The following SLC24A2 variants were observed in gnomAD, a reference collection of about 807,000 sequenced individuals.
SLC24A2 encodes sodium/potassium/calcium exchanger 2.
Under a neutral mutation model 62.0 loss-of-function variants are expected in SLC24A2, and 36 were observed. The observed-to-expected ratio is 0.58, with a 90% confidence interval of 0.44 to 0.77. The LOEUF is 0.77. Ranked by LOEUF, SLC24A2 falls within the 30% of genes least tolerant of loss-of-function variation. The pLI, the probability that SLC24A2 is intolerant of heterozygous loss-of-function variation, is 0.00. For missense variants in SLC24A2, 846 were observed against 817.9 expected (o/e 1.03, Z -0.42); for synonymous variants, 358 against 294.0 (o/e 1.22, Z -2.23).
At chr9:20,006,326 G>C in the SLC24A2 span, among the ~76,000 whole-genome samples, 2 of 151,668 alleles carry the variant, frequency 1.3e-5, no homozygotes, top group African/African-American at 2.4e-5. Flanking sequence ...GAAACATGAA[G>C]GGTAGTGGGT....
At chr9:19,669,091 T>C (rs918338001) in intron 2 of SLC24A2, among the ~76,000 whole-genome samples, 3 of 152,216 alleles carry the variant, frequency 2.0e-5, no homozygotes, top group South Asian at 2.1e-4. Context: ...TTATACGGTA[T>C]AGTTATTCTT....
chr9:20,039,864 C>T, the SLC24A2 span, among the ~76,000 whole-genome samples: 2 of 152,186 alleles, frequency 1.3e-5, no homozygotes, highest in African/African-American at 4.8e-5. Context: ...TGAGAAAGTT[C>T]TCTGTAGCTT....
chr9:20,203,749 G>T, the SLC24A2 span, among the ~76,000 whole-genome samples: 1 of 152,096 alleles, frequency 6.6e-6, no homozygotes, highest in Non-Finnish European at 1.5e-5. Context: ...AATTAGCTGG[G>T]TGTGGTGACA....
At chr9:19,953,514 T>C in the SLC24A2 span, among the ~76,000 whole-genome samples, 2 of 151,998 alleles carry the variant, frequency 1.3e-5, no homozygotes, top group South Asian at 2.1e-4. Flanking sequence ...TTTCATGACA[T>C]AGGGCAGATA....
chr9:19,832,350 T>A, the SLC24A2 span, among the ~76,000 whole-genome samples: 1 of 152,244 alleles, frequency 6.6e-6, no homozygotes, highest in Admixed American at 6.5e-5. Context: ...CAAACCTACT[T>A]AATTAAACAT....
the SLC24A2 span, among the ~76,000 whole-genome samples, chr9:19,882,011 T>A: frequency 1.8e-4 from 28 of 152,360 alleles, no homozygotes; most frequent in Non-Finnish European, 3.7e-4. Context: ...CATTTAACTA[T>A]TCTTTTGCAC....
the SLC24A2 span, among the ~76,000 whole-genome samples, chr9:19,860,212 T>A: frequency 6.6e-6 from 1 of 152,092 alleles, no homozygotes; most frequent in Non-Finnish European, 1.5e-5. Flanking sequence ...GGAGAGGAGA[T>A]GAAAGAGTGG....
At chr9:19,541,795 C>G (rs1176576948) in intron 8 of SLC24A2, among the ~76,000 whole-genome samples, 1 of 148,694 alleles carries the variant, frequency 6.7e-6, no homozygotes, top group African/African-American at 2.5e-5. Context: ...GCGGGCGCCC[C>G]TCCCCCAGCC....
At chr9:20,101,084 A>G in the SLC24A2 span, among the ~76,000 whole-genome samples, 1 of 152,228 alleles carries the variant, frequency 6.6e-6, no homozygotes, top group Non-Finnish European at 1.5e-5. Flanking sequence ...TCCATTAGCA[A>G]GTGGAGTGCT....
intron 2 of SLC24A2, among the ~76,000 whole-genome samples, chr9:19,751,064 T>C (rs1049811330): frequency 5.3e-5 from 8 of 152,184 alleles, no homozygotes; most frequent in Admixed American, 5.2e-4. Context: ...GCTGACTGTG[T>C]TCGGTAACAT....
intron 7 of SLC24A2, among the ~76,000 whole-genome samples, chr9:19,570,860 CCTGATTGCTCTTGAGGTCCAGGTCAT>C (rs1284917494): frequency 6.6e-6 from 1 of 152,126 alleles, no homozygotes; most frequent in Non-Finnish European, 1.5e-5. Flanking sequence ...GCCCAGGTCA[CCTGATTGCTCTTGAGGTCCAGGTCAT>C]CTGATTGTAA....
the SLC24A2 span, among the ~76,000 whole-genome samples, chr9:20,294,689 A>C: frequency 6.6e-6 from 1 of 152,196 alleles, no homozygotes; most frequent in Non-Finnish European, 1.5e-5. Flanking sequence ...ATTGAAAATG[A>C]AGTTGGTTTA....
chr9:19,897,866 T>C, the SLC24A2 span, among the ~76,000 whole-genome samples: 11 of 152,194 alleles, frequency 7.2e-5, no homozygotes, highest in Non-Finnish European at 1.5e-4. Context: ...TTTCCATTGT[T>C]CCAGGCTGCT....
At chr9:19,983,518 C>T in the SLC24A2 span, among the ~76,000 whole-genome samples, 1 of 152,146 alleles carries the variant, frequency 6.6e-6, no homozygotes, top group Non-Finnish European at 1.5e-5. Flanking sequence ...TGGCATTCAC[C>T]TGTAGTCCCA....
chr9:19,846,017 G>T, the SLC24A2 span, among the ~76,000 whole-genome samples: 3 of 152,102 alleles, frequency 2.0e-5, no homozygotes, highest in Admixed American at 2.0e-4. Context: ...TGAGCATGTG[G>T]TCGATCTTGG....
chr9:20,044,339 C>A, the SLC24A2 span, among the ~76,000 whole-genome samples: 1 of 152,048 alleles, frequency 6.6e-6, no homozygotes, highest in South Asian at 2.1e-4. Flanking sequence ...AGCCTTAAAG[C>A]CTAAAGGTCT....
At chr9:20,136,744 T>G in the SLC24A2 span, among the ~76,000 whole-genome samples, 2 of 152,124 alleles carry the variant, frequency 1.3e-5, no homozygotes, top group Non-Finnish European at 2.9e-5. Context: ...TTCAGAAAAG[T>G]AGTGAAACAG....
chr9:19,772,810 G>T (rs1564092737), intron 2 of SLC24A2, among the ~76,000 whole-genome samples: 1 of 152,122 alleles, frequency 6.6e-6, no homozygotes, highest in Non-Finnish European at 1.5e-5. Flanking sequence ...TAAACATAGA[G>T]AACACATGAC....
chr9:20,210,727 A>G, the SLC24A2 span, among the ~76,000 whole-genome samples: 1 of 133,996 alleles, frequency 7.5e-6, no homozygotes, highest in Non-Finnish European at 1.5e-5. Context: ...GATGGTCTGG[A>G]TCTCCTGACC....
Sources: gnomAD v4.1 joint callset for allele counts (sites outside exome capture counted in the v4.1 genomes callset) on GRCh38, gnomAD v4.1.1 for gene constraint, MANE v1.5 for transcripts, NCBI Gene and HGNC (gene_info 2026-07-23, HGNC 2026-07-21) for gene names.